Variants in CACNA1D observed in about 807,000 individuals in gnomAD.
CACNA1D encodes voltage-dependent L-type calcium channel subunit alpha-1D.
CACNA1D carries 55 observed loss-of-function variants against 257.1 expected under a neutral mutation model. The ratio of observed to expected loss-of-function variants is 0.21; its 90% CI spans 0.17 to 0.27. The LOEUF (loss-of-function observed/expected upper bound fraction) is 0.27, where lower values mean the gene tolerates loss of function less well. CACNA1D is among the 10% of genes least tolerant of loss of function. The probability of loss-of-function intolerance (pLI) is 1.00; values close to 1 mark genes in which losing one functional copy is unlikely to be tolerated. For synonymous variants in CACNA1D, 980 were observed against 1,014.9 expected (o/e 0.97, Z 0.65); for missense variants, 1,876 against 2,784.0 (o/e 0.67, Z 7.34).
chr3:53,502,827 A>G (rs1220462081), intron 3 of CACNA1D, among the ~76,000 whole-genome samples: 1 of 152,226 alleles, frequency 6.6e-6, no homozygotes, highest in Non-Finnish European at 1.5e-5. Context: ...ATCAGAAGCC[A>G]TGCAGAATGG....
chr3:53,550,299 C>T (rs1267663018), intron 3 of CACNA1D, among the ~76,000 whole-genome samples: 1 of 152,124 alleles, frequency 6.6e-6, no homozygotes, highest in African/African-American at 2.4e-5. Flanking sequence ...TGTGGTTCTC[C>T]TCTGTGGTGT....
chr3:53,736,438 T>C (rs900140444), intron 20 of CACNA1D, among the ~76,000 whole-genome samples: 2 of 152,206 alleles, frequency 1.3e-5, no homozygotes, highest in Non-Finnish European at 2.9e-5. Context: ...TTCACAAGTA[T>C]CTCCAAAGAA....
At chr3:53,655,330 C>G (rs912840714) in intron 4 of CACNA1D, among the ~76,000 whole-genome samples, 2 of 152,110 alleles carry the variant, frequency 1.3e-5, no homozygotes, top group Non-Finnish European at 2.9e-5. Context: ...TGGGTGTGTA[C>G]CCAGTAATGG....
At chr3:53,576,044 G>A (rs140358766) in intron 3 of CACNA1D, among the ~76,000 whole-genome samples, 13 of 152,234 alleles carry the variant, frequency 8.5e-5, no homozygotes, top group South Asian at 2.1e-4. Flanking sequence ...CCCTCTCTCC[G>A]TTGATGCTTG....
rs570835986 is a variant in CACNA1D at position 53,515,413 on chromosome 3, G to A, written c.483+13693G>A. On this transcript the variant is annotated intron_variant, in intron 3 of 47. Transcript: ENST00000350061. ...CGTGAAAACAATCACTAACACCTGC[G>A]TGGTCAGGGACGGCCTATACGGCAC... Among the ~76,000 whole-genome samples the A allele has an allele frequency of 3.3e-5, 5 of 152,296 alleles. 1 individual carries two copies. In the South Asian group the frequency reaches 6.2e-4, roughly 19 times the overall value.
intron 3 of CACNA1D, among the ~76,000 whole-genome samples, chr3:53,633,671 A>G (rs1192504937): frequency 1.3e-5 from 2 of 152,112 alleles, no homozygotes; most frequent in African/African-American, 4.8e-5. Flanking sequence ...GTTAATAGCA[A>G]ACTAGTATAG....
chr3:53,616,471 G>A (rs531543679), intron 3 of CACNA1D, among the ~76,000 whole-genome samples: 12 of 152,300 alleles, frequency 7.9e-5, no homozygotes, highest in Admixed American at 5.2e-4. Flanking sequence ...CGCACATTCT[G>A]TCTCTCTGCC....
At chr3:53,634,035 C>T (rs539575031) in intron 3 of CACNA1D, among the ~76,000 whole-genome samples, 2 of 152,280 alleles carry the variant, frequency 1.3e-5, no homozygotes, top group South Asian at 2.1e-4. Flanking sequence ...GTTAAGCTTT[C>T]GTGGCCCTTC....
At position 53,812,173 on chromosome 3, in the gene CACNA1D, A is replaced by AATAT. The variant is rs2095603464; in HGVS notation, c.*769_*772dup. 2 of 152,230 alleles carry AATAT rather than the reference A, an allele frequency of 1.3e-5. No individual in the cohort carries two copies. The highest frequency in any genetic ancestry group is 4.1e-4 in the South Asian group (2 of 4,832). 9.4% of individuals were successfully genotyped at this position (152,230 alleles called of 1,614,324 possible). A position where few individuals can be genotyped will look rare whatever the true frequency, so the allele number is the denominator to read the frequency against. On this transcript the variant is annotated 3_prime_UTR_variant, in exon 48 of 48. Coordinates refer to ENST00000350061, the MANE Select transcript of CACNA1D (RefSeq NM_001128840.3). ...TATAGATTTACTGTACATGACTTGT[A>AATAT]ATATACTATAATTTGTATTTGTAAA...
rs752051418 is a variant in CACNA1D, at chr3:53,650,935, T to G, written c.623+17T>G. The G allele has an allele frequency of 1.2e-6, 2 of 1,609,234 alleles. No homozygotes were observed. Among genetic ancestry groups the G allele is most frequent in the Non-Finnish European group, 1.7e-6 (2 of 1,175,842 alleles). ...AATAGTAGGGTAAGTCTCTTTTACT[T>G]TGGGGAAATGTTGATTTGGAAAATG... On this transcript the variant is annotated intron_variant, in intron 4 of 47. Transcript: ENST00000350061.
At chr3:53,597,624 CTAA>C (rs2093386775) in intron 3 of CACNA1D, among the ~76,000 whole-genome samples, 1 of 152,160 alleles carries the variant, frequency 6.6e-6, no homozygotes, top group African/African-American at 2.4e-5. Context: ...TCCCATCTCT[CTAA>C]TAAGTAAATG....
At chr3:53,802,284 G>A in intron 43 of CACNA1D, 111 bp downstream of exon 43, 1 of 939,872 alleles carries the variant, frequency 1.1e-6, no homozygotes, top group Admixed American at 1.7e-5. Context: ...CCTATTAAAG[G>A]TTATCATAAT....
rs550294490 is a variant in CACNA1D, at chr3:53,526,771, C to A, written c.483+25051C>A. On this transcript the variant is annotated intron_variant, in intron 3 of 47. Transcript: ENST00000350061. Reference sequence around the variant, plus strand: ...GATTCCTCATCTGTAAAATAGTATCCCCTCAGAGTTGCTATGAGAAATAAA... The same window carrying A: ...GATTCCTCATCTGTAAAATAGTATCACCTCAGAGTTGCTATGAGAAATAAA... Among the ~76,000 whole-genome samples, 19 of 152,264 alleles carry A rather than the reference C, an allele frequency of 1.2e-4. No individual in the cohort carries two copies. In the South Asian group the frequency reaches 3.9e-3, roughly 32 times the overall value.
intron 3 of CACNA1D, among the ~76,000 whole-genome samples, chr3:53,576,076 G>A (rs1249761349): frequency 6.6e-6 from 1 of 152,164 alleles, no homozygotes; most frequent in African/African-American, 2.4e-5. Flanking sequence ...AGACGCTGAT[G>A]GTGTTGGTGG....
Position 53,723,332 on chromosome 3 carries a change from G to C in CACNA1D, c.1667-102G>C. 1.2e-6 allele frequency: 1 copy of C among 846,350 alleles called. No individual in the cohort carries two copies. Among genetic ancestry groups the C allele is most frequent in the South Asian group, 1.3e-5 (1 of 74,786 alleles). 52.4% of individuals were successfully genotyped at this position (846,350 alleles called of 1,614,324 possible). A position where few individuals can be genotyped will look rare whatever the true frequency, so the allele number is the denominator to read the frequency against. Reference sequence around the variant, plus strand: ...GTGAAGAGAGAGACAAGGTATTGGCGTATTTCCTGTGGGGCCTGATAGGGA... The same window carrying C: ...GTGAAGAGAGAGACAAGGTATTGGCCTATTTCCTGTGGGGCCTGATAGGGA... On this transcript the variant is annotated intron_variant, in intron 12 of 47. Transcript: ENST00000350061. This position sits in a 1 kb window ranked among gnomAD's most constrained non-coding sequence, Gnocchi z 5.6.
chr3:53,623,124 G>A (rs1306766791), intron 3 of CACNA1D, among the ~76,000 whole-genome samples: 3 of 152,204 alleles, frequency 2.0e-5, no homozygotes, highest in South Asian at 4.1e-4. Flanking sequence ...ATCTGACCTC[G>A]TGATCAGCCG....
chr3:53,749,515 G>T, intron 27 of CACNA1D, 46 bp downstream of exon 27: 3 of 1,343,822 alleles, frequency 2.2e-6, no homozygotes, highest in South Asian at 1.2e-5. Context: ...GGTCAGGAGC[G>T]GAGTGCCTTC....
At chr3:53,613,424 C>G (rs1398785998) in intron 3 of CACNA1D, among the ~76,000 whole-genome samples, 1 of 152,096 alleles carries the variant, frequency 6.6e-6, no homozygotes, top group African/African-American at 2.4e-5. Flanking sequence ...AGCGTAGTAT[C>G]TGAATAAGAA....
rs545838121 is a variant in CACNA1D at position 53,724,406 on chromosome 3, A to C, written c.2100+407A>C. ...AGATTTACACAAGAAGTGAATTCTCATGCCTCCATGCTTTGGTGTGTAGTT... is the reference window on the plus strand; with the variant it reads ...AGATTTACACAAGAAGTGAATTCTCCTGCCTCCATGCTTTGGTGTGTAGTT... On this transcript the variant is annotated intron_variant, in intron 14 of 47. Coordinates refer to ENST00000350061, the MANE Select transcript of CACNA1D (RefSeq NM_001128840.3). Among the ~76,000 whole-genome samples, 11 of 152,266 alleles carry C rather than the reference A, an allele frequency of 7.2e-5. No homozygotes were observed. The South Asian group carries it at 2.3e-3, about 32-fold the overall frequency.
Sources: allele counts gnomAD v4.1 joint callset (sites outside exome capture counted in the v4.1 genomes callset), GRCh38; gene constraint gnomAD v4.1.1; non-coding constraint Gnocchi (gnomAD v3.1); transcripts MANE v1.5; gene names NCBI Gene and HGNC (gene_info 2026-07-23, HGNC 2026-07-21).